The following GDF6 variants were observed in gnomAD, a reference collection of about 807,000 sequenced individuals.
GDF6 encodes growth differentiation factor 6.
Under a neutral mutation model 32.4 loss-of-function variants are expected in GDF6, and 3 were observed. That is an observed-to-expected ratio of 0.09 (90% CI 0.04 to 0.24). The LOEUF (loss-of-function observed/expected upper bound fraction) is 0.24, where lower values mean the gene tolerates loss of function less well. Ranked by LOEUF, GDF6 falls within the 10% of genes least tolerant of loss-of-function variation. The pLI, the probability that GDF6 is intolerant of heterozygous loss-of-function variation, is 1.00. For synonymous variants in GDF6, 296 were observed against 295.3 expected (o/e 1.00, Z -0.03); for missense variants, 589 against 637.9 (o/e 0.92, Z 0.83).
In GDF6 at chr8:96,145,077, TG is replaced by T; in HGVS notation, c.853del (p.Gln285SerfsTer77). The part of the protein sequence containing the change: ...RALLVVFTRS[Q>X]RKNLFAEMRE... ...CATCTCTGCGAACAGGTTCTTGCGC[TG>T]GGATCTGGTGAATACCACCAGCAGG... is the stretch of plus-strand genomic sequence containing the variant. On this transcript the variant is annotated frameshift_variant, in exon 2 of 2. Transcript: ENST00000287020. LOFTEE classifies it high-confidence loss of function. The surrounding 1 kb of genome is among the most constrained non-coding windows in gnomAD (Gnocchi z 5.6). 1.3e-6 allele frequency: 2 copies of T among 1,510,522 alleles called. No individual in the cohort carries two copies. Among genetic ancestry groups the T allele is most frequent in the Non-Finnish European group, 1.8e-6 (2 of 1,138,566 alleles). 93.6% of individuals were successfully genotyped at this position (1,510,522 alleles called of 1,614,324 possible). A position where few individuals can be genotyped will look rare whatever the true frequency, so the allele number is the denominator to read the frequency against.
At chr8:96,146,705 CACAGAG>C (rs1391661047) in intron 1 of GDF6, among the ~76,000 whole-genome samples, 13 of 138,368 alleles carry the variant, frequency 9.4e-5, no homozygotes, top group African/African-American at 3.5e-4. Flanking sequence ...CACACACACA[CACAGAG>C]AGAGAGAGAG....
intron 1 of GDF6, among the ~76,000 whole-genome samples, chr8:96,156,398 C>T (rs200012432): frequency 4.6e-5 from 6 of 129,564 alleles, no homozygotes; most frequent in South Asian, 2.8e-4. Flanking sequence ...CTCTCTCTCT[C>T]TCTCTCTTTC....
chr8:96,146,089 C>T (rs550084006), intron 1 of GDF6, among the ~76,000 whole-genome samples: 114 of 152,324 alleles, frequency 7.5e-4, no homozygotes, highest in African/African-American at 2.7e-3. Context: ...AACACTCTGT[C>T]TGCCTCCACC....
rs1402491566 is a variant in GDF6, at chr8:96,145,902, G to C, written c.407-378C>G. Among the ~76,000 whole-genome samples the C allele has an allele frequency of 6.6e-6, 1 of 152,204 alleles. No individual in the cohort carries two copies. On this transcript the variant is annotated intron_variant, in intron 1 of 1. Transcript: ENST00000287020. This position sits in a 1 kb window ranked among gnomAD's most constrained non-coding sequence, Gnocchi z 5.6. ...GACCTCCTCTGGGCTGGGCTGGCTCGTTCTCGTTGACGTCTCAAATGTCAC... is the reference window on the plus strand; with the variant it reads ...GACCTCCTCTGGGCTGGGCTGGCTCCTTCTCGTTGACGTCTCAAATGTCAC...
rs1166042364 is a variant in GDF6, at chr8:96,143,942, C to G, written c.*621G>C. The G allele has an allele frequency of 6.4e-6, 1 of 157,370 alleles. No homozygotes were observed. Among genetic ancestry groups the G allele is most frequent in the African/African-American group, 2.4e-5 (1 of 41,466 alleles). 9.7% of individuals were successfully genotyped at this position (157,370 alleles called of 1,614,324 possible). On this transcript the variant is annotated 3_prime_UTR_variant, in exon 2 of 2. Coordinates refer to ENST00000287020, the MANE Select transcript of GDF6 (RefSeq NM_001001557.4). ...TGGGCCCACCTCTCTCAAAGCTCTTCTATAGGCAGGACCATTCCTGACTTA... is the reference window on the plus strand; with the variant it reads ...TGGGCCCACCTCTCTCAAAGCTCTTGTATAGGCAGGACCATTCCTGACTTA...
At chr8:96,151,026 G>C (rs537773742) in intron 1 of GDF6, among the ~76,000 whole-genome samples, 17 of 152,316 alleles carry the variant, frequency 1.1e-4, no homozygotes, top group Admixed American at 3.9e-4. Flanking sequence ...CCTCCTCCTG[G>C]AGTGTGAAGG....
Position 96,144,290 on chromosome 8 carries a change from G to GAGAGAGAA in GDF6, c.*272_*273insTTCTCTCT, listed in dbSNP as rs1416099236. ...AGAGAGAGAGAGAGAGAGAGAGAGAGAAAACAGAACAAAAGAAATCCTCCT... is the reference window on the plus strand; with the variant it reads ...AGAGAGAGAGAGAGAGAGAGAGAGAGAGAGAGAAAAAACAGAACAAAAGAAATCCTCCT... On this transcript the variant is annotated 3_prime_UTR_variant, in exon 2 of 2. Coordinates refer to ENST00000287020, the MANE Select transcript of GDF6 (RefSeq NM_001001557.4). This position sits in a 1 kb window ranked among gnomAD's most constrained non-coding sequence, Gnocchi z 5.1. The GAGAGAGAA allele has an allele frequency of 1.9e-4, 84 of 439,284 alleles. No individual in the cohort carries two copies. The Middle Eastern group carries it at 3.9e-3, about 21-fold the overall frequency. 27.2% of individuals were successfully genotyped at this position (439,284 alleles called of 1,614,324 possible).
rs529631726 is a variant in GDF6 at position 96,158,051 on chromosome 8, T to C, written c.406+2236A>G. 3.9e-4 allele frequency among the ~76,000 whole-genome samples: 59 copies of C among 152,274 alleles called. No individual in the cohort carries two copies. In the East Asian group the frequency reaches 9.3e-3, roughly 24 times the overall value. The stretch of plus-strand genomic sequence containing the variant: ...GCCTTCCCAGTCAACGAACTGCCTT[T>C]CTTCGCATTTTCTGAGAACCCGGAG... On this transcript the variant is annotated intron_variant, in intron 1 of 1. Coordinates refer to ENST00000287020, the MANE Select transcript of GDF6 (RefSeq NM_001001557.4).
intron 1 of GDF6, among the ~76,000 whole-genome samples, chr8:96,146,749 C>T (rs1045515350): frequency 6.7e-6 from 1 of 149,284 alleles, no homozygotes; most frequent in Non-Finnish European, 1.5e-5. Context: ...CCCATCTCTC[C>T]TCCCACTCCC....
intron 1 of GDF6, among the ~76,000 whole-genome samples, chr8:96,158,048 C>T (rs1812698103): frequency 6.6e-6 from 1 of 152,202 alleles, no homozygotes; most frequent in Non-Finnish European, 1.5e-5. Flanking sequence ...AACGAACTGC[C>T]TTTCTTCGCA....
At chr8:96,154,092 T>C (rs1812617233) in intron 1 of GDF6, among the ~76,000 whole-genome samples, 1 of 152,098 alleles carries the variant, frequency 6.6e-6, no homozygotes, top group Non-Finnish European at 1.5e-5. Context: ...TCCTATGTTA[T>C]TAAGGGATGC....
At position 96,159,859 on chromosome 8, in the gene GDF6, T is replaced by C. The variant is rs753534094; in HGVS notation, c.406+428A>G. Among the ~76,000 whole-genome samples, 147 of 152,310 alleles carry C rather than the reference T, an allele frequency of 9.7e-4. 1 individual carries two copies. The highest frequency in any genetic ancestry group is 1.8e-3 in the Non-Finnish European group (124 of 68,024). On this transcript the variant is annotated intron_variant, in intron 1 of 1. Coordinates refer to ENST00000287020, the MANE Select transcript of GDF6 (RefSeq NM_001001557.4). ...TTGCCCAGGGCTTTCCAAGGCTGTC[T>C]CATGCCCTAGATCTGCCCCAGCAGC...
intron 1 of GDF6, among the ~76,000 whole-genome samples, chr8:96,146,314 C>G (rs2514524): frequency 0.67 from 101,061 of 151,568 alleles, 35,691 homozygotes; most frequent in African/African-American, 0.89. Flanking sequence ...ACAGGACTGG[C>G]CATGGGGTTT....
intron 1 of GDF6, among the ~76,000 whole-genome samples, chr8:96,146,339 CTTTT>C (rs33978005): frequency 6.8e-6 from 1 of 146,526 alleles, no homozygotes; most frequent in Non-Finnish European, 1.5e-5. Context: ...TTATTGTTTG[CTTTT>C]TTTTTTTTTT....
chr8:96,158,330 G>A (rs1812705210), intron 1 of GDF6, among the ~76,000 whole-genome samples: 1 of 152,172 alleles, frequency 6.6e-6, no homozygotes. Context: ...GGGTGGGGAG[G>A]CTACAGGGCA....
rs1356114817 is a variant in GDF6 at position 96,145,096 on chromosome 8, C to A, written c.835G>T (p.Val279Leu). 2 of 1,521,114 alleles carry A rather than the reference C, an allele frequency of 1.3e-6. No individual in the cohort carries two copies. The highest frequency in any genetic ancestry group is 2.0e-5 in the Admixed American group (1 of 50,842). 94.2% of individuals were successfully genotyped at this position (1,521,114 alleles called of 1,614,324 possible). ...VRPPQERALLVVFTRSQRKNL... is the reference protein window; with the variant it reads ...VRPPQERALLLVFTRSQRKNL... ...TTGCGCTGGGATCTGGTGAATACCA[C>A]CAGCAGGGCCCGCTCCTGGGGAGGC... Residue 279 changes from valine to leucine, a missense_variant, in exon 2 of 2, where the codon GTG becomes TTG. Around this residue, in one of 2 missense-constraint regions of GDF6, gnomAD observed 436 missense variants for 411.2 expected, o/e 1.06. Coordinates refer to ENST00000287020, the MANE Select transcript of GDF6 (RefSeq NM_001001557.4). This position sits in a 1 kb window ranked among gnomAD's most constrained non-coding sequence, Gnocchi z 5.6.
chr8:96,154,289 AG>A (rs768432461), intron 1 of GDF6, among the ~76,000 whole-genome samples: 68 of 151,850 alleles, frequency 4.5e-4, no homozygotes, highest in Non-Finnish European at 7.9e-4. Context: ...GCGCTTCCCT[AG>A]GAACGTTGTC....
chr8:96,159,041 G>A (rs1345602542), intron 1 of GDF6, among the ~76,000 whole-genome samples: 1 of 152,112 alleles, frequency 6.6e-6, no homozygotes, highest in African/African-American at 2.4e-5. Flanking sequence ...AGATGTGCGA[G>A]CACCCAGGGT....
At chr8:96,151,633 G>A (rs1337449871) in intron 1 of GDF6, among the ~76,000 whole-genome samples, 1 of 152,218 alleles carries the variant, frequency 6.6e-6, no homozygotes, top group Non-Finnish European at 1.5e-5. Flanking sequence ...CAGAAGAAAT[G>A]TCGATGATTG....
Sources: allele counts gnomAD v4.1 joint callset (sites outside exome capture counted in the v4.1 genomes callset), GRCh38; gene constraint gnomAD v4.1.1; regional missense constraint gnomAD v4.1.1; non-coding constraint Gnocchi (gnomAD v3.1); transcripts MANE v1.5; gene names NCBI Gene and HGNC (gene_info 2026-07-23, HGNC 2026-07-21).